The following PAK2 variants were observed in gnomAD, a reference collection of about 807,000 sequenced individuals.
The protein encoded by PAK2 is serine/threonine-protein kinase PAK 2.
A neutral mutation model predicts 65.9 loss-of-function variants in PAK2; 21 were observed. The ratio of observed to expected loss-of-function variants is 0.32; its 90% CI spans 0.23 to 0.46. The LOEUF (loss-of-function observed/expected upper bound fraction) is 0.46. Among genes scored for constraint, PAK2 ranks in the 20% least tolerant of loss-of-function variants. PAK2 has a pLI of 1.00. For missense variants in PAK2, 324 were observed against 642.6 expected, an observed-to-expected ratio of 0.50 and a Z score of 5.36; for synonymous variants, 204 against 219.7, an observed-to-expected ratio of 0.93 and a Z score of 0.63.
Position 196,832,537 on chromosome 3 carries a change from G to A in PAK2, c.*4132G>A, listed in dbSNP as rs547877658. The A allele has an allele frequency of 6.6e-5, 10 of 151,932 alleles. No individual in the cohort carries two copies. The East Asian group carries it at 1.9e-3, about 29-fold the overall frequency. The allele number at this position is 151,932 out of a possible 1,614,324, so 9.4% of individuals were successfully genotyped here. ...ACTTTTATTCTTTCTTTTGATCAGCGTAAAAGAATATTTTAATGTCTTTTG... is the reference window on the plus strand; with the variant it reads ...ACTTTTATTCTTTCTTTTGATCAGCATAAAAGAATATTTTAATGTCTTTTG... On this transcript the variant is annotated 3_prime_UTR_variant, in exon 15 of 15. Coordinates refer to ENST00000327134, the MANE Select transcript of PAK2 (RefSeq NM_002577.4).
chr3:196,817,341 C>A (rs1711511360), intron 11 of PAK2, among the ~76,000 whole-genome samples: 1 of 150,080 alleles, frequency 6.7e-6, no homozygotes, highest in Admixed American at 6.7e-5. Flanking sequence ...ATTTTTCTTT[C>A]TTTCTGTCCG....
chr3:196,746,324 G>C (rs843536), intron 1 of PAK2, among the ~76,000 whole-genome samples: 92,812 of 152,058 alleles, frequency 0.61, 28,893 homozygotes, highest in African/African-American at 0.68. Flanking sequence ...TGAATTTTAT[G>C]AGATGCTATT....
rs115964646 is a variant in PAK2, at chr3:196,794,769, C to T, written c.188-7158C>T. 4.5e-3 allele frequency among the ~76,000 whole-genome samples: 681 copies of T among 152,284 alleles called. 5 individuals carry two copies. Among genetic ancestry groups the T allele is most frequent in the African/African-American group, 0.016 (646 of 41,558 alleles). The stretch of plus-strand genomic sequence containing the variant: ...ACCATGTTGTAGGAGGTTTATTCCA[C>T]AGGACCCTTGGCAGGAACCCTGAGC... On this transcript the variant is annotated intron_variant, in intron 2 of 14. Transcript: ENST00000327134.
At chr3:196,786,145 T>TGGTGGATTTGATCAATTTCTCTTTA (rs1248340391) in intron 2 of PAK2, among the ~76,000 whole-genome samples, 2 of 151,454 alleles carry the variant, frequency 1.3e-5, no homozygotes, top group Non-Finnish European at 2.9e-5. Context: ...TAATTTGATA[T>TGGTGGATTTGATCAATTTCTCTTTA]GGTGGATTTG....
Position 196,807,891 on chromosome 3 carries a change from A to T in PAK2, c.686A>T (p.Asp229Val). 6.3e-7 allele frequency: 1 copy of T among 1,593,696 alleles called. No individual in the cohort carries two copies. Among genetic ancestry groups the T allele is most frequent in the Non-Finnish European group, 8.6e-7 (1 of 1,161,782 alleles). ...DKQKKKTKMT[D>V]EEIMEKLRTI... The stretch of plus-strand genomic sequence containing the variant: ...CAGAAAAAGAAGACTAAGATGACAG[A>T]TGAAGAGATTATGGAGAAATTAAGT... Residue 229 changes from aspartate to valine, a missense_variant, in exon 7 of 15, where the codon GAT becomes GTT. Coordinates refer to ENST00000327134, the MANE Select transcript of PAK2 (RefSeq NM_002577.4).
At chr3:196,749,843 A>G (rs572751425) in intron 1 of PAK2, among the ~76,000 whole-genome samples, 1 of 150,436 alleles carries the variant, frequency 6.6e-6, no homozygotes, top group African/African-American at 2.4e-5. Flanking sequence ...TTTTTTTGAG[A>G]TAGAGTCTTG....
chr3:196,812,938 A>G (rs1169829941), intron 10 of PAK2, 87 bp downstream of exon 10: 2 of 635,490 alleles, frequency 3.1e-6, no homozygotes, highest in African/African-American at 3.7e-5. Context: ...CCACTTTGGA[A>G]TAAACTGTCA....
chr3:196,772,885 T>C (rs2108731316), intron 1 of PAK2, among the ~76,000 whole-genome samples: 1 of 152,336 alleles, frequency 6.6e-6, no homozygotes, highest in Non-Finnish European at 1.5e-5. Context: ...TAAGGCTCAC[T>C]TGTTATTTAT....
At chr3:196,824,786 G>A (rs928086313) in intron 13 of PAK2, among the ~76,000 whole-genome samples, 1 of 151,828 alleles carries the variant, frequency 6.6e-6, no homozygotes, top group South Asian at 2.1e-4. Context: ...TTCAAGGCCA[G>A]CCTGGGCAAC....
At chr3:196,760,747 TAGAA>T (rs1323389198) in intron 1 of PAK2, among the ~76,000 whole-genome samples, 3 of 152,200 alleles carry the variant, frequency 2.0e-5, no homozygotes, top group Non-Finnish European at 4.4e-5. Flanking sequence ...GGTGTGTCAT[TAGAA>T]AGTGTTTACT....
In PAK2 at chr3:196,828,580, A is replaced by G; in HGVS notation, c.*175A>G. The G allele has an allele frequency of 1.7e-6, 1 of 584,756 alleles. No individual in the cohort carries two copies. Among genetic ancestry groups the G allele is most frequent in the South Asian group, 2.2e-5 (1 of 44,762 alleles). The allele number at this position is 584,756 out of a possible 1,614,324, so 36.2% of individuals were successfully genotyped here. A position where few individuals can be genotyped will look rare whatever the true frequency, so the allele number is the denominator to read the frequency against. ...AGAAAATTGCAAAAAGACAAGTATG[A>G]CTTTTATATGAACCCCTTCTTTAGG... is the stretch of plus-strand genomic sequence containing the variant. On this transcript the variant is annotated 3_prime_UTR_variant, in exon 15 of 15. Coordinates refer to ENST00000327134, the MANE Select transcript of PAK2 (RefSeq NM_002577.4).
At chr3:196,769,748 C>T (rs1433910596) in intron 1 of PAK2, among the ~76,000 whole-genome samples, 1 of 151,858 alleles carries the variant, frequency 6.6e-6, no homozygotes, top group African/African-American at 2.4e-5. Context: ...ACCTGGGAGG[C>T]AGGGCTTGCA....
chr3:196,765,079 C>T (rs138944638), intron 1 of PAK2, among the ~76,000 whole-genome samples: 12,791 of 150,540 alleles, frequency 0.085, 712 homozygotes, highest in Admixed American at 0.14. Context: ...CTTCTGACCT[C>T]GTGATCCACC....
rs145127947 is a variant in PAK2 at position 196,754,315 on chromosome 3, A to G, written c.-22+14158A>G. ...ATCAGTGCTGGATTTCTTACTGCCT[A>G]CTTACCATTGAACAGTAACTGTTAT... On this transcript the variant is annotated intron_variant, in intron 1 of 14. Coordinates refer to ENST00000327134, the MANE Select transcript of PAK2 (RefSeq NM_002577.4). Among the ~76,000 whole-genome samples the G allele has an allele frequency of 2.0e-5, 3 of 152,158 alleles. 1 individual carries two copies. The highest frequency in any genetic ancestry group is 4.4e-5 in the Non-Finnish European group (3 of 68,018).
At chr3:196,767,951 G>A (rs1714229412) in intron 1 of PAK2, among the ~76,000 whole-genome samples, 1 of 152,154 alleles carries the variant, frequency 6.6e-6, no homozygotes, top group South Asian at 2.1e-4. Context: ...GCACAGTATT[G>A]CTAGTGACAT....
At chr3:196,767,582 G>C (rs1444722821) in intron 1 of PAK2, among the ~76,000 whole-genome samples, 1 of 151,934 alleles carries the variant, frequency 6.6e-6, no homozygotes, top group Non-Finnish European at 1.5e-5. Context: ...TCCGCCTCCC[G>C]GGTTCACGCC....
chr3:196,815,023 C>CA (rs1319990104), intron 11 of PAK2, among the ~76,000 whole-genome samples: 2 of 151,230 alleles, frequency 1.3e-5, no homozygotes, highest in Non-Finnish European at 2.9e-5. Context: ...ACTAAAAATA[C>CA]AAAAAAATTA....
chr3:196,764,410 G>A (rs1577705593), intron 1 of PAK2, among the ~76,000 whole-genome samples: 1 of 151,914 alleles, frequency 6.6e-6, no homozygotes, highest in East Asian at 1.9e-4. Flanking sequence ...GAGGTCAGGA[G>A]TTCAAGACCA....
intron 1 of PAK2, among the ~76,000 whole-genome samples, chr3:196,778,785 G>A (rs1022639310): frequency 2.0e-5 from 3 of 152,088 alleles, no homozygotes; most frequent in African/African-American, 7.3e-5. Flanking sequence ...TCGTGTCCTT[G>A]ACAGTTTGGA....
Sources: gnomAD v4.1 joint callset for allele counts (sites outside exome capture counted in the v4.1 genomes callset) on GRCh38, gnomAD v4.1.1 for gene constraint, MANE v1.5 for transcripts, NCBI Gene and HGNC (gene_info 2026-07-23, HGNC 2026-07-21) for gene names.